Variants in ELF1 observed in about 807,000 individuals in gnomAD.
ELF1 encodes the protein E74 like ETS transcription factor 1, also known as ETS-related transcription factor Elf-1.
Under a neutral mutation model 59.9 loss-of-function variants are expected in ELF1, and 24 were observed. The ratio of observed to expected loss-of-function variants is 0.40; its 90% CI spans 0.29 to 0.56. ELF1 has a LOEUF of 0.56. ELF1 is among the 20% of genes least tolerant of loss of function. The pLI is 0.44. For synonymous variants in ELF1, 248 were observed against 266.2 expected (o/e 0.93, Z 0.67); for missense variants, 627 against 742.2 (o/e 0.84, Z 1.80).
chr13:40,976,437 A>C (rs1406077107), intron 2 of ELF1, among the ~76,000 whole-genome samples: 1 of 152,236 alleles, frequency 6.6e-6, no homozygotes, highest in African/African-American at 2.4e-5. Flanking sequence ...CAGTATCCAC[A>C]GCACTTTGCA....
intron 1 of ELF1, among the ~76,000 whole-genome samples, chr13:41,047,439 C>A (rs1323592336): frequency 6.6e-6 from 1 of 152,104 alleles, no homozygotes; most frequent in Non-Finnish European, 1.5e-5. Flanking sequence ...ATGATGGTGA[C>A]GTACAGATGG....
At chr13:41,052,132 G>A (rs1166481500) in intron 1 of ELF1, among the ~76,000 whole-genome samples, 5 of 151,918 alleles carry the variant, frequency 3.3e-5, no homozygotes, top group Non-Finnish European at 7.4e-5. Flanking sequence ...TAGAGACGAG[G>A]TTTCATCACA....
chr13:41,025,733 T>C (rs1457703422), intron 1 of ELF1, among the ~76,000 whole-genome samples: 1 of 152,184 alleles, frequency 6.6e-6, no homozygotes, highest in Non-Finnish European at 1.5e-5. Flanking sequence ...TGCTGATAAA[T>C]AAACCCTATT....
chr13:40,941,507 G>A (rs1870169944), intron 7 of ELF1, 137 bp from the exon 8 acceptor site: 2 of 771,772 alleles, frequency 2.6e-6, no homozygotes, highest in Non-Finnish European at 4.1e-6. Context: ...ATAAAGGGCT[G>A]TTATTTTATA....
At chr13:40,947,803 T>A (rs1001797545) in intron 5 of ELF1, among the ~76,000 whole-genome samples, 1 of 152,194 alleles carries the variant, frequency 6.6e-6, no homozygotes, top group African/African-American at 2.4e-5. Context: ...TGAGAAGCAG[T>A]AGACTAGGAA....
rs139394990 is a variant in ELF1 at position 41,050,689 on chromosome 13, T to G, written c.-229+10149A>C. Among the ~76,000 whole-genome samples, 415 of 152,330 alleles carry G rather than the reference T, an allele frequency of 2.7e-3. 8 individuals are homozygous for G. In the East Asian group the frequency reaches 0.049, roughly 18 times the overall value. ...CTTCAGCCTCCCAAGTAGCTGGGAC[T>G]ACAGGCACCTGCCACCACGCCCAGC... On this transcript the variant is annotated intron_variant, in intron 1 of 1. Transcript: ENST00000405737.
At chr13:41,050,148 A>G (rs559047392) in intron 1 of ELF1, among the ~76,000 whole-genome samples, 2 of 152,264 alleles carry the variant, frequency 1.3e-5, no homozygotes, top group African/African-American at 2.4e-5. Context: ...GAAACTCTAT[A>G]TCCATTAAGC....
At chr13:40,964,423 A>T (rs1593366419) in intron 2 of ELF1, among the ~76,000 whole-genome samples, 1 of 152,102 alleles carries the variant, frequency 6.6e-6, no homozygotes, top group Admixed American at 6.5e-5. Context: ...TGGGGGAAGG[A>T]ACTGTTCCAG....
At chr13:41,045,826 G>A (rs1053128394) in intron 1 of ELF1, among the ~76,000 whole-genome samples, 2 of 152,118 alleles carry the variant, frequency 1.3e-5, no homozygotes, top group African/African-American at 4.8e-5. Context: ...TTCAATTCCT[G>A]GATATCCTTC....
chr13:40,993,258 G>GT (rs1383354162), intron 1 of ELF1: 13 of 1,581,682 alleles, frequency 8.2e-6, no homozygotes, highest in Non-Finnish European at 1.1e-5. Context: ...AACAGATGTT[G>GT]TTGGGCCTCT....
At position 41,028,655 on chromosome 13, in the gene ELF1, CTT is replaced by C. The variant is rs1876043511; in HGVS notation, c.-229+32181_-229+32182del. On this transcript the variant is annotated intron_variant, in intron 1 of 1. Coordinates refer to the ELF1 transcript ENST00000405737. The stretch of plus-strand genomic sequence containing the variant: ...TACATAGATATAACAAAGCAAATAT[CTT>C]TGTGTTCTTTCCTCTTATTCCTTTA... 2.6e-5 allele frequency among the ~76,000 whole-genome samples: 4 copies of C among 152,272 alleles called. No individual in the cohort carries two copies. In the South Asian group the frequency reaches 8.3e-4, roughly 32 times the overall value.
At chr13:41,038,939 G>A (rs1190209006) in intron 1 of ELF1, among the ~76,000 whole-genome samples, 1 of 150,646 alleles carries the variant, frequency 6.6e-6, no homozygotes, top group Non-Finnish European at 1.5e-5. Flanking sequence ...CCTGAACCTA[G>A]GAGGTGGAGG....
intron 1 of ELF1, among the ~76,000 whole-genome samples, chr13:41,047,345 A>G (rs1025535646): frequency 2.6e-5 from 4 of 152,010 alleles, no homozygotes; most frequent in African/African-American, 9.7e-5. Flanking sequence ...TTGGAGGGGG[A>G]GAAGTGCTCT....
exon 1 of ELF1, chr13:41,061,154 TG>T (rs1276508641): frequency 2.6e-5 from 5 of 191,966 alleles, no homozygotes; most frequent in Admixed American, 1.8e-4. Flanking sequence ...GTTGCTCCGC[TG>T]GTCAAAGTGC....
chr13:41,051,618 C>G (rs1877091666), intron 1 of ELF1, among the ~76,000 whole-genome samples: 1 of 152,050 alleles, frequency 6.6e-6, no homozygotes, highest in Admixed American at 6.5e-5. Context: ...CATTCTAAAT[C>G]AGAAATGTAT....
At chr13:40,955,407 TC>T in intron 3 of ELF1, among the ~76,000 whole-genome samples, 1 of 125,916 alleles carries the variant, frequency 7.9e-6, no homozygotes. Context: ...CAGCTGCCCA[TC>T]CGGGAAGGAG....
At chr13:41,059,374 T>C (rs891737917) in intron 1 of ELF1, among the ~76,000 whole-genome samples, 2 of 152,246 alleles carry the variant, frequency 1.3e-5, no homozygotes, top group Non-Finnish European at 2.9e-5. Flanking sequence ...TGGTGCTTGG[T>C]GTGTAGCAAA....
intron 2 of ELF1, among the ~76,000 whole-genome samples, chr13:40,978,339 C>T (rs184724280): frequency 4.0e-5 from 6 of 150,686 alleles, no homozygotes; most frequent in East Asian, 1.9e-4. Context: ...GATCACACCA[C>T]GGCACTCCAG....
rs773217139 is a variant in ELF1, at chr13:40,933,530, C to T, written c.1755G>A (p.Thr585=). 2.2e-5 allele frequency: 35 copies of T among 1,614,102 alleles called. 1 individual carries two copies. The highest frequency in any genetic ancestry group is 6.6e-5 in the South Asian group (6 of 91,090). Reference sequence around the variant, plus strand: ...TCACATAAGGCTGTGGCTGCTGCTCCGTTTTCTCAGTGTTCTCTTTCAAAT... The same window carrying T: ...TCACATAAGGCTGTGGCTGCTGCTCTGTTTTCTCAGTGTTCTCTTTCAAAT... ...EDHLKENTEK[T]EQQPQPYVMV... is the part of the protein sequence containing the mutation. The change falls in exon 9 of 9, where the codon ACG becomes ACA. Residue 585 remains threonine, a synonymous_variant. Coordinates refer to ENST00000239882, the MANE Select transcript of ELF1 (RefSeq NM_172373.4).
Sources: gnomAD v4.1 joint callset for allele counts (sites outside exome capture counted in the v4.1 genomes callset) on GRCh38, gnomAD v4.1.1 for gene constraint, MANE v1.5 for transcripts, NCBI Gene and HGNC (gene_info 2026-07-23, HGNC 2026-07-21) for gene names.